The following THSD4 variants were observed in gnomAD, a reference collection of about 807,000 sequenced individuals.
THSD4 encodes thrombospondin type-1 domain-containing protein 4.
THSD4 carries 69 observed loss-of-function variants against 119.0 expected under a neutral mutation model. The ratio of observed to expected loss-of-function variants is 0.58; its 90% CI spans 0.48 to 0.71. The LOEUF (loss-of-function observed/expected upper bound fraction) is 0.71. THSD4 is among the 30% of genes least tolerant of loss of function. The probability of loss-of-function intolerance (pLI) is 0.00; values close to 1 mark genes in which losing one functional copy is unlikely to be tolerated. For synonymous variants in THSD4, 524 were observed against 540.4 expected (o/e 0.97, Z 0.42); for missense variants, 1,393 against 1,391.1 (o/e 1.00, Z -0.02).
chr15:71,205,651 A>G (rs1170287948), intron 3 of THSD4, among the ~76,000 whole-genome samples: 1 of 152,136 alleles, frequency 6.6e-6, no homozygotes, highest in Non-Finnish European at 1.5e-5. Context: ...GGCTGAATGT[A>G]TTGTGCTCCC....
rs1445051950 is a variant in THSD4 at position 71,421,245 on chromosome 15, A to G, written c.1152+9422A>G. 1.7e-4 allele frequency among the ~76,000 whole-genome samples: 14 copies of G among 83,358 alleles called. 2 individuals are homozygous for G. The highest frequency in any genetic ancestry group is 5.6e-4 in the African/African-American group (14 of 25,040). 54.7% of individuals were successfully genotyped at this position (83,358 alleles called of 152,430 possible). ...ATATTCTGTGTTTTTCTGTGTACTT[A>G]CTATTACCAGTGAGTTTTGTACCTT... On this transcript the variant is annotated intron_variant, in intron 7 of 17. Coordinates refer to ENST00000261862, the MANE Select transcript of THSD4 (RefSeq NM_024817.3).
At chr15:71,658,948 G>C (rs543849499) in intron 7 of THSD4, among the ~76,000 whole-genome samples, 6 of 152,322 alleles carry the variant, frequency 3.9e-5, no homozygotes, top group Admixed American at 3.9e-4. Flanking sequence ...TGCAACTAGA[G>C]GGGAAGGAAT....
At chr15:71,354,133 A>T (rs1596360626) in intron 6 of THSD4, among the ~76,000 whole-genome samples, 2 of 152,312 alleles carry the variant, frequency 1.3e-5, no homozygotes, top group South Asian at 2.1e-4. Flanking sequence ...CATCTCTAAA[A>T]GAGGTTTAAA....
intron 6 of THSD4, among the ~76,000 whole-genome samples, chr15:71,389,810 G>GTTTTTTTTTTGTT (rs2046349093): frequency 1.1e-5 from 1 of 87,998 alleles, no homozygotes; most frequent in African/African-American, 4.3e-5. Context: ...TTTCTGGGTT[G>GTTTTTTTTTTGTT]TTTTTTTTTT....
intron 6 of THSD4, among the ~76,000 whole-genome samples, chr15:71,325,235 A>G (rs949562221): frequency 1.3e-5 from 2 of 152,190 alleles, no homozygotes; most frequent in African/African-American, 4.8e-5. Flanking sequence ...CTCCTCATAC[A>G]TGTACAGGAA....
At chr15:71,252,468 C>T (rs1308759029) in intron 5 of THSD4, among the ~76,000 whole-genome samples, 2 of 152,214 alleles carry the variant, frequency 1.3e-5, no homozygotes, top group South Asian at 2.1e-4. Context: ...ATCCTCACTC[C>T]GCAGCTCCCT....
At chr15:71,201,846 G>A (rs1398084215) in intron 3 of THSD4, among the ~76,000 whole-genome samples, 4 of 152,182 alleles carry the variant, frequency 2.6e-5, no homozygotes, top group Non-Finnish European at 5.9e-5. Flanking sequence ...ACGTCGACAT[G>A]GGCAGAAGGC....
chr15:71,646,072 G>C (rs548263786), intron 7 of THSD4, among the ~76,000 whole-genome samples: 11 of 152,182 alleles, frequency 7.2e-5, no homozygotes, highest in Non-Finnish European at 1.6e-4. Flanking sequence ...CTCTGCTTTT[G>C]AGTTTTTGAA....
At chr15:71,699,653 A>G (rs749013994) in intron 8 of THSD4, among the ~76,000 whole-genome samples, 5 of 152,168 alleles carry the variant, frequency 3.3e-5, no homozygotes, top group Non-Finnish European at 1.5e-5. Flanking sequence ...GTGCCAAGCA[A>G]CAGGAACTGG....
chr15:71,330,118 C>T (rs1004490259), intron 6 of THSD4, among the ~76,000 whole-genome samples: 10 of 151,374 alleles, frequency 6.6e-5, no homozygotes, highest in African/African-American at 2.2e-4. Context: ...CATGATTGTT[C>T]TAGTATTGTT....
chr15:71,336,244 G>A (rs547024109), intron 6 of THSD4, among the ~76,000 whole-genome samples: 1 of 152,198 alleles, frequency 6.6e-6, no homozygotes, highest in Non-Finnish European at 1.5e-5. Flanking sequence ...ACCTTGGTCT[G>A]AGTGGTGAGG....
intron 6 of THSD4, among the ~76,000 whole-genome samples, chr15:71,375,493 G>A (rs1255375689): frequency 1.3e-5 from 2 of 152,130 alleles, no homozygotes; most frequent in Non-Finnish European, 2.9e-5. Context: ...CTCTTCCCCA[G>A]CCCCCTACTG....
intron 8 of THSD4, among the ~76,000 whole-genome samples, chr15:71,711,478 T>C (rs2052514653): frequency 6.6e-6 from 1 of 151,800 alleles, no homozygotes; most frequent in East Asian, 1.9e-4. Flanking sequence ...AGATAAATTA[T>C]ACAGAATACT....
In THSD4 at chr15:71,217,906, C is replaced by T. The variant is rs188248833; in HGVS notation, c.464+2507C>T. ...GGTTCAAATGATTCCTGTGCCTCAG[C>T]CTCCCTAGTAGCTGGGACTGCAGGC... On this transcript the variant is annotated intron_variant, in intron 4 of 17. Transcript: ENST00000261862. Among the ~76,000 whole-genome samples the T allele has an allele frequency of 3.0e-3, 453 of 151,580 alleles. 2 individuals are homozygous for T. Among genetic ancestry groups the T allele is most frequent in the African/African-American group, 9.8e-3 (403 of 41,326 alleles).
At chr15:71,518,217 AC>A (rs978904225) in intron 7 of THSD4, among the ~76,000 whole-genome samples, 8 of 145,156 alleles carry the variant, frequency 5.5e-5, no homozygotes, top group African/African-American at 2.1e-4. Context: ...CCACCTCCCC[AC>A]CCCTTCCAAA....
At position 71,381,358 on chromosome 15, in the gene THSD4, T is replaced by G. The variant is rs370476532; in HGVS notation, c.1016-30329T>G. ...TGAAGTTCATTCAAATTGCATATCT[T>G]AACAATTTTAGTATTGGCTGACTTA... On this transcript the variant is annotated intron_variant, in intron 6 of 17. Transcript: ENST00000261862. 4.7e-4 allele frequency among the ~76,000 whole-genome samples: 72 copies of G among 152,320 alleles called. 1 individual carries two copies. The East Asian group carries it at 0.013, about 28-fold the overall frequency.
chr15:71,640,187 A>G (rs775732663), intron 7 of THSD4, among the ~76,000 whole-genome samples: 62 of 151,910 alleles, frequency 4.1e-4, no homozygotes, highest in Non-Finnish European at 7.6e-4. Flanking sequence ...GGCTCAAGCG[A>G]TCCTCCTACC....
At chr15:71,613,234 T>C (rs540306966) in intron 7 of THSD4, among the ~76,000 whole-genome samples, 1 of 152,318 alleles carries the variant, frequency 6.6e-6, no homozygotes, top group East Asian at 1.9e-4. Context: ...TGCCGTGTAT[T>C]ATGTGCCCCT....
intron 1 of THSD4, among the ~76,000 whole-genome samples, chr15:71,107,914 G>T (rs891579347): frequency 6.6e-6 from 1 of 152,178 alleles, no homozygotes; most frequent in African/African-American, 2.4e-5. Flanking sequence ...AGGTCATAAG[G>T]CTAGTACCCA....
Sources: gnomAD v4.1 joint callset for allele counts (sites outside exome capture counted in the v4.1 genomes callset) on GRCh38, gnomAD v4.1.1 for gene constraint, MANE v1.5 for transcripts, NCBI Gene and HGNC (gene_info 2026-07-23, HGNC 2026-07-21) for gene names.